The following SMYD3 variants were observed in gnomAD, a reference collection of about 807,000 sequenced individuals.
SMYD3 encodes the protein histone-lysine N-methyltransferase SMYD3.
Under a neutral mutation model 57.7 loss-of-function variants are expected in SMYD3, and 36 were observed. The observed-to-expected ratio is 0.62, with a 90% CI of 0.48 to 0.82. The LOEUF (loss-of-function observed/expected upper bound fraction) is 0.82. Ranked by LOEUF, SMYD3 falls within the 40% of genes least tolerant of loss-of-function variation. SMYD3 has a pLI of 0.00. For synonymous variants in SMYD3, 211 were observed against 195.0 expected (o/e 1.08, Z -0.68); for missense variants, 515 against 538.8 (o/e 0.96, Z 0.44).
chr1:246,182,223 C>T (rs940038517), intron 5 of SMYD3, among the ~76,000 whole-genome samples: 1 of 152,098 alleles, frequency 6.6e-6, no homozygotes, highest in African/African-American at 2.4e-5. Flanking sequence ...CCCTGGTGGC[C>T]ACAAACACTC....
chr1:246,316,909 C>A (rs968324120), intron 5 of SMYD3, among the ~76,000 whole-genome samples: 1 of 150,914 alleles, frequency 6.6e-6, no homozygotes, highest in Non-Finnish European at 1.5e-5. Flanking sequence ...GCAGGAGAAT[C>A]GCTTGAACCT....
rs1289501536 is a variant in SMYD3 at position 246,126,925 on chromosome 1, ATAT to A, written c.532-196991_532-196989del. 4.6e-5 allele frequency among the ~76,000 whole-genome samples: 7 copies of A among 152,224 alleles called. No individual in the cohort carries two copies. In the South Asian group the frequency reaches 1.0e-3, roughly 23 times the overall value. On this transcript the variant is annotated intron_variant, in intron 5 of 11. Coordinates refer to ENST00000490107, the MANE Select transcript of SMYD3 (RefSeq NM_001167740.2). ...CTTAAATTTATGTGTAGAGGCAGTT[ATAT>A]TATTAATACATTTCATTTCAGAAAT...
chr1:246,506,990 CCCCCCCCT>C, intron 1 of SMYD3, 56 bp downstream of exon 1: 1 of 609,992 alleles, frequency 1.6e-6, no homozygotes, highest in Non-Finnish European at 2.2e-6. Context: ...CCGCCCGACG[CCCCCCCCT>C]CCCCAGCACC....
intron 5 of SMYD3, among the ~76,000 whole-genome samples, chr1:246,175,556 ACT>A (rs1196807946): frequency 6.6e-6 from 1 of 152,248 alleles, no homozygotes; most frequent in Non-Finnish European, 1.5e-5. Flanking sequence ...TTTGAACTAT[ACT>A]TTCCATCACA....
intron 7 of SMYD3, among the ~76,000 whole-genome samples, chr1:245,922,954 T>G (rs2056087048): frequency 6.6e-6 from 1 of 152,228 alleles, no homozygotes; most frequent in African/African-American, 2.4e-5. Context: ...TGGGTTTTGT[T>G]TTTTGTTTTT....
At chr1:246,400,399 ATTTG>A (rs1163191394) in intron 1 of SMYD3, among the ~76,000 whole-genome samples, 4 of 152,106 alleles carry the variant, frequency 2.6e-5, no homozygotes, top group Non-Finnish European at 2.9e-5. Flanking sequence ...GCCATTATTT[ATTTG>A]TTTGTTTATT....
chr1:245,850,966 G>C (rs771398709), intron 10 of SMYD3, among the ~76,000 whole-genome samples: 1 of 115,508 alleles, frequency 8.7e-6, no homozygotes, highest in Non-Finnish European at 1.7e-5. Flanking sequence ...AGCTAAACAG[G>C]GGTTTAGCCA....
chr1:246,092,564 G>A (rs4323675), intron 5 of SMYD3, among the ~76,000 whole-genome samples: 4,982 of 152,150 alleles, frequency 0.033, 281 homozygotes, highest in African/African-American at 0.11. Context: ...TCCATATATA[G>A]AAGAATGCAA....
intron 5 of SMYD3, among the ~76,000 whole-genome samples, chr1:245,957,562 A>G (rs1176655755): frequency 6.6e-6 from 1 of 152,180 alleles, no homozygotes; most frequent in African/African-American, 2.4e-5. Context: ...AATCTTCCCT[A>G]GCGTTGCTGT....
intron 1 of SMYD3, among the ~76,000 whole-genome samples, chr1:246,396,700 T>C (rs1381036318): frequency 1.3e-5 from 2 of 152,210 alleles, no homozygotes; most frequent in South Asian, 2.1e-4. Flanking sequence ...TCCCCCTTGC[T>C]GTTCTTGTGA....
intron 1 of SMYD3, among the ~76,000 whole-genome samples, chr1:246,495,790 TAAA>T: frequency 7.2e-6 from 1 of 139,740 alleles, no homozygotes; most frequent in East Asian, 2.1e-4. Context: ...AAATACCAAA[TAAA>T]AAAAAAAAAT....
chr1:246,219,007 G>A (rs995611850), intron 5 of SMYD3, among the ~76,000 whole-genome samples: 1 of 152,010 alleles, frequency 6.6e-6, no homozygotes, highest in East Asian at 1.9e-4. Flanking sequence ...TGTATGCCTG[G>A]GAGTTGTCAA....
Position 245,771,080 on chromosome 1 carries a change from A to T in SMYD3, c.1077-6931T>A, listed in dbSNP as rs143443913. Among the ~76,000 whole-genome samples the T allele has an allele frequency of 3.5e-3, 526 of 152,224 alleles. 4 individuals carry two copies. The highest frequency in any genetic ancestry group is 0.012 in the African/African-American group (500 of 41,542). On this transcript the variant is annotated intron_variant, in intron 10 of 11. Coordinates refer to ENST00000490107, the MANE Select transcript of SMYD3 (RefSeq NM_001167740.2). ...CACACATACACACATATACATACAT[A>T]CATATATATACCCACATATATACAT... is the stretch of plus-strand genomic sequence containing the variant.
chr1:246,312,259 G>A (rs1435614436), intron 5 of SMYD3, among the ~76,000 whole-genome samples: 2 of 152,072 alleles, frequency 1.3e-5, no homozygotes, highest in Non-Finnish European at 2.9e-5. Flanking sequence ...ACATCTTTTT[G>A]CAAGAGATTA....
At chr1:245,905,585 T>C (rs58587588) in intron 8 of SMYD3, among the ~76,000 whole-genome samples, 18,407 of 152,188 alleles carry the variant, frequency 0.12, 1,344 homozygotes, top group East Asian at 0.4. Flanking sequence ...AGGTAGACTT[T>C]TAAGGTCTGA....
intron 10 of SMYD3, among the ~76,000 whole-genome samples, chr1:245,841,873 A>G (rs549501440): frequency 1.3e-5 from 2 of 152,332 alleles, no homozygotes; most frequent in African/African-American, 2.4e-5. Flanking sequence ...ATTTCAGTCA[A>G]TGGACTGCAT....
chr1:245,916,683 T>C (rs58224895), intron 7 of SMYD3, among the ~76,000 whole-genome samples: 8,414 of 152,200 alleles, frequency 0.055, 806 homozygotes, highest in African/African-American at 0.19. Flanking sequence ...GTCTGAGCCA[T>C]CATTACCTCT....
intron 1 of SMYD3, among the ~76,000 whole-genome samples, chr1:246,366,550 C>T (rs555761309): frequency 1.4e-4 from 21 of 147,358 alleles, no homozygotes; most frequent in Non-Finnish European, 2.8e-4. Flanking sequence ...CCAGACAGTA[C>T]GAGAAAACCT....
At chr1:245,928,409 C>T (rs1052781655) in intron 6 of SMYD3, among the ~76,000 whole-genome samples, 15 of 151,858 alleles carry the variant, frequency 9.9e-5, no homozygotes, top group South Asian at 2.1e-4. Flanking sequence ...TGGTGGCTCA[C>T]GCCTGTAATC....
Sources: allele counts gnomAD v4.1 joint callset (sites outside exome capture counted in the v4.1 genomes callset), GRCh38; gene constraint gnomAD v4.1.1; transcripts MANE v1.5; gene names NCBI Gene and HGNC (gene_info 2026-07-23, HGNC 2026-07-21).